The following OPCML variants were observed in gnomAD, a reference collection of about 807,000 sequenced individuals.
The protein encoded by OPCML is opioid-binding protein/cell adhesion molecule.
OPCML carries 13 observed loss-of-function variants against 37.8 expected under a neutral mutation model. That is an observed-to-expected ratio of 0.34 (90% CI 0.22 to 0.55). The LOEUF (loss-of-function observed/expected upper bound fraction) is 0.55, where lower values mean the gene tolerates loss of function less well. OPCML is among the 20% of genes least tolerant of loss of function. The pLI is 0.91. For synonymous variants in OPCML, 176 were observed against 168.8 expected, an observed-to-expected ratio of 1.04 and a Z score of -0.33; for missense variants, 341 against 435.6, an observed-to-expected ratio of 0.78 and a Z score of 1.93.
intron 1 of OPCML, among the ~76,000 whole-genome samples, chr11:133,244,315 G>C (rs1461491200): frequency 1.3e-5 from 2 of 152,044 alleles, no homozygotes; most frequent in Non-Finnish European, 2.9e-5. Flanking sequence ...GCTGAGGTAG[G>C]ATTGAAGGAG....
intron 2 of OPCML, among the ~76,000 whole-genome samples, chr11:132,719,554 G>C (rs1033034082): frequency 1.3e-5 from 2 of 152,124 alleles, no homozygotes; most frequent in Admixed American, 1.3e-4. Context: ...TGTGTGCTGC[G>C]GCCAGGCTGC....
intron 3 of OPCML, among the ~76,000 whole-genome samples, chr11:132,603,183 C>G (rs1464364269): frequency 1.3e-5 from 2 of 152,210 alleles, no homozygotes; most frequent in African/African-American, 4.8e-5. Flanking sequence ...AGCCTAGACT[C>G]TCCCAGATTT....
chr11:132,913,933 T>G (rs1944516458), intron 2 of OPCML, among the ~76,000 whole-genome samples: 1 of 152,222 alleles, frequency 6.6e-6, no homozygotes, highest in African/African-American at 2.4e-5. Flanking sequence ...TAGGCATCCT[T>G]TCGACTCATT....
intron 2 of OPCML, among the ~76,000 whole-genome samples, chr11:132,734,711 G>C (rs1945193150): frequency 6.6e-6 from 1 of 152,200 alleles, no homozygotes. Flanking sequence ...ATAGCAATAA[G>C]TAATTAATAC....
At chr11:133,113,707 AC>A (rs1949290998) in intron 1 of OPCML, among the ~76,000 whole-genome samples, 1 of 152,242 alleles carries the variant, frequency 6.6e-6, no homozygotes, top group African/African-American at 2.4e-5. Context: ...CAAAGAGTAA[AC>A]AAAGCCTAAA....
chr11:132,568,567 G>T (rs1382242263), intron 3 of OPCML, among the ~76,000 whole-genome samples: 2 of 152,328 alleles, frequency 1.3e-5, no homozygotes, highest in East Asian at 3.9e-4. Flanking sequence ...AGTGATGACA[G>T]AGACAGAGAC....
At chr11:133,429,137 C>A (rs994512093) in intron 1 of OPCML, among the ~76,000 whole-genome samples, 1 of 152,104 alleles carries the variant, frequency 6.6e-6, no homozygotes, top group Non-Finnish European at 1.5e-5. Flanking sequence ...GAAGCCCTCT[C>A]CAGGAAGCTA....
Position 132,417,362 on chromosome 11 carries a change from A to G in OPCML, c.*2831T>C, listed in dbSNP as rs985951889. 2 of 152,220 alleles carry G rather than the reference A, an allele frequency of 1.3e-5. No individual in the cohort carries two copies. Among genetic ancestry groups the G allele is most frequent in the Admixed American group, 6.5e-5 (1 of 15,280 alleles). The allele number at this position is 152,220 out of a possible 1,614,324, so 9.4% of individuals were successfully genotyped here. On this transcript the variant is annotated 3_prime_UTR_variant, in exon 8 of 8. Transcript: ENST00000524381. ...GAAGTCATTTTCACTCCCAGTGAGT[A>G]CCCCAGTTGCCTTGGGTTGTATTTA...
chr11:133,040,642 C>A (rs552752412), intron 1 of OPCML, among the ~76,000 whole-genome samples: 3 of 152,126 alleles, frequency 2.0e-5, no homozygotes, highest in African/African-American at 4.8e-5. Flanking sequence ...GGCAGGACAT[C>A]GTCCAGGCCT....
At chr11:132,873,392 G>GC (rs1463412475) in intron 2 of OPCML, among the ~76,000 whole-genome samples, 2 of 152,068 alleles carry the variant, frequency 1.3e-5, no homozygotes, top group African/African-American at 2.4e-5. Context: ...AAGGCCAAGA[G>GC]CCCCCCAGGT....
At position 133,525,861 on chromosome 11, in the gene OPCML, C is replaced by T. The variant is rs190291523; in HGVS notation, c.61+6403G>A. Among the ~76,000 whole-genome samples the T allele has an allele frequency of 5.8e-4, 88 of 152,348 alleles. 1 individual carries two copies. Among genetic ancestry groups the T allele is most frequent in the Admixed American group, 2.7e-3 (42 of 15,300 alleles). On this transcript the variant is annotated intron_variant, in intron 1 of 7. Transcript: ENST00000524381. ...AAGTGCAAGGAGCCATTCCAATCAA[C>T]GGCCTGTGTCCCACTGCATCAATTC... is the stretch of plus-strand genomic sequence containing the variant.
intron 2 of OPCML, among the ~76,000 whole-genome samples, chr11:132,666,411 G>C (rs565812931): frequency 6.6e-6 from 1 of 151,338 alleles, no homozygotes; most frequent in Non-Finnish European, 1.5e-5. Flanking sequence ...AGCCAGGAGG[G>C]CACCATATCA....
intron 1 of OPCML, among the ~76,000 whole-genome samples, chr11:133,073,507 G>A (rs1292710295): frequency 6.6e-6 from 1 of 152,212 alleles, no homozygotes; most frequent in Non-Finnish European, 1.5e-5. Flanking sequence ...CTAATGAGCT[G>A]CCCCAAAGCT....
Position 133,532,449 on chromosome 11 carries a change from A to G in OPCML, c.-125T>C, listed in dbSNP as rs1948625422. ...CCAATGTTTGCAAAGGGAGGGAGAG[A>G]GCAGAAGAGAGAGAGAGCGCGCGAG... On this transcript the variant is annotated 5_prime_UTR_variant, in exon 1 of 8. Transcript: ENST00000524381. 1 of 1,188,600 alleles carries G rather than the reference A, an allele frequency of 8.4e-7. No homozygotes were observed. Among genetic ancestry groups the G allele is most frequent in the Non-Finnish European group, 1.2e-6 (1 of 826,400 alleles). 73.6% of individuals were successfully genotyped at this position (1,188,600 alleles called of 1,614,324 possible). A position where few individuals can be genotyped will look rare whatever the true frequency, so the allele number is the denominator to read the frequency against.
chr11:132,906,895 G>C (rs1029629407), intron 2 of OPCML, among the ~76,000 whole-genome samples: 3 of 152,130 alleles, frequency 2.0e-5, no homozygotes, highest in African/African-American at 4.8e-5. Context: ...GAGGGTAGTG[G>C]GGATTGAAGC....
chr11:133,494,974 T>A (rs557925217), intron 1 of OPCML, among the ~76,000 whole-genome samples: 1 of 152,270 alleles, frequency 6.6e-6, no homozygotes, highest in East Asian at 1.9e-4. Flanking sequence ...AGTAACTTCT[T>A]TAGTGGTGAT....
At chr11:132,667,059 T>G (rs748690479) in intron 2 of OPCML, among the ~76,000 whole-genome samples, 37 of 152,146 alleles carry the variant, frequency 2.4e-4, no homozygotes, top group Non-Finnish European at 4.6e-4. Context: ...CATCAGAGAA[T>G]CAGGCATGAG....
chr11:133,283,293 C>A (rs1046165456), intron 1 of OPCML, among the ~76,000 whole-genome samples: 1 of 152,036 alleles, frequency 6.6e-6, no homozygotes, highest in Non-Finnish European at 1.5e-5. Context: ...GGTGTCTTCC[C>A]CACCGTAATG....
intron 1 of OPCML, among the ~76,000 whole-genome samples, chr11:133,150,794 C>A (rs953469759): frequency 6.6e-6 from 1 of 152,010 alleles, no homozygotes; most frequent in Non-Finnish European, 1.5e-5. Context: ...AATGAGTGTG[C>A]CTTCCAGCTC....
Sources: allele counts gnomAD v4.1 joint callset (sites outside exome capture counted in the v4.1 genomes callset), GRCh38; gene constraint gnomAD v4.1.1; transcripts MANE v1.5; gene names NCBI Gene and HGNC (gene_info 2026-07-23, HGNC 2026-07-21).